Variants in CFAP43 observed in about 807,000 individuals in gnomAD.
CFAP43 encodes cilia and flagella associated protein 43, also known as cilia- and flagella-associated protein 43.
CFAP43 carries 155 observed loss-of-function variants against 218.9 expected under a neutral mutation model. That is an observed-to-expected ratio of 0.71 (90% confidence interval 0.62 to 0.81). CFAP43 has a LOEUF of 0.81. CFAP43 is among the 30% of genes least tolerant of loss of function. CFAP43 has a pLI of 0.00. For synonymous variants in CFAP43, 645 were observed against 681.3 expected, an observed-to-expected ratio of 0.95 and a Z score of 0.83; for missense variants, 1,778 against 1,954.3, an observed-to-expected ratio of 0.91 and a Z score of 1.70.
chr10:104,176,624 CT>C (rs2089639047), intron 19 of CFAP43, among the ~76,000 whole-genome samples: 3 of 152,184 alleles, frequency 2.0e-5, no homozygotes, highest in South Asian at 4.1e-4. Flanking sequence ...ATAATAAGGG[CT>C]ACCTTTAGAT....
Position 104,131,423 on chromosome 10 carries a change from T to A in CFAP43, c.4739A>T (p.Asn1580Ile). 1 of 1,613,688 alleles carries A rather than the reference T, an allele frequency of 6.2e-7. No homozygotes were observed. Among genetic ancestry groups the A allele is most frequent in the African/African-American group, 1.3e-5 (1 of 75,038 alleles). The change falls in exon 37 of 38, where the codon AAT becomes ATT. Residue 1580 changes from asparagine (N) to isoleucine (I), a missense_variant. By Grantham distance (149) the Asn-to-Ile change is moderately radical. Coordinates refer to ENST00000357060, the MANE Select transcript of CFAP43 (RefSeq NM_025145.7). ...GGCATAATTTGCTATATCTTTTTGA[T>A]TGCTGAACTTTCCAAGTTTTTTGAG... ...KLLKKLGKFS[N>I]QKDIANYALS...
At chr10:104,214,529 G>T in intron 3 of CFAP43, 103 bp from the exon 4 acceptor site, 1 of 993,322 alleles carries the variant, frequency 1.0e-6, no homozygotes, top group South Asian at 2.1e-5. Context: ...TATAATTTAT[G>T]ATACAATTTA....
At chr10:104,185,864 T>G (rs1239363619) in intron 15 of CFAP43, 110 bp downstream of exon 15, 1 of 871,084 alleles carries the variant, frequency 1.1e-6, no homozygotes. Context: ...TTCAATATCT[T>G]TTCAGAGTTT....
chr10:104,198,832 C>A (rs1398818259), intron 8 of CFAP43, among the ~76,000 whole-genome samples: 1 of 151,742 alleles, frequency 6.6e-6, no homozygotes, highest in African/African-American at 2.4e-5. Context: ...TGTATTTTTA[C>A]TAGAGATGGG....
intron 19 of CFAP43, among the ~76,000 whole-genome samples, chr10:104,177,437 T>C (rs1037067082): frequency 6.6e-6 from 1 of 152,252 alleles, no homozygotes; most frequent in Admixed American, 6.5e-5. Flanking sequence ...GGGAGGAAAC[T>C]GGGAGAATGA....
chr10:104,179,551 C>T (rs905306557), intron 18 of CFAP43, among the ~76,000 whole-genome samples: 42 of 152,328 alleles, frequency 2.8e-4, no homozygotes, highest in Admixed American at 8.5e-4. Flanking sequence ...ACTCACTCCA[C>T]GGTGGAGTAC....
chr10:104,166,611 G>A lies in CFAP43; in HGVS notation c.2916C>T (p.Ser972=), dbSNP rs200336733. The A allele has an allele frequency of 3.1e-6, 5 of 1,614,092 alleles. No individual in the cohort carries two copies. The African/African-American group carries it at 4.0e-5, about 13-fold the overall frequency. Residue 972 remains serine, a synonymous_variant, in exon 23 of 38, where the codon AGC becomes AGT. Transcript: ENST00000357060. ...TACCAAGCAGGTAATTGGGCAAATT[G>A]CTATATTTTACTGTCTTGTCTTCCT... ...EEEEDKTVKY[S]NLPNYLLGSL... is the part of the protein sequence containing the mutation.
chr10:104,201,170 T>A (rs2090524345), intron 8 of CFAP43, among the ~76,000 whole-genome samples: 1 of 152,222 alleles, frequency 6.6e-6, no homozygotes, highest in Non-Finnish European at 1.5e-5. Context: ...TTTTAAGTAT[T>A]CATATATTCC....
At chr10:104,150,035 T>C (rs1008289536) in intron 28 of CFAP43, among the ~76,000 whole-genome samples, 4 of 152,238 alleles carry the variant, frequency 2.6e-5, no homozygotes, top group Admixed American at 1.3e-4. Flanking sequence ...AAAAATGGAA[T>C]CATACAATAT....
At chr10:104,136,276 A>AAAG (rs529233077) in intron 34 of CFAP43, among the ~76,000 whole-genome samples, 16,202 of 133,824 alleles carry the variant, frequency 0.12, 2,074 homozygotes, top group African/African-American at 0.26. Context: ...AAAAAAAAAA[A>AAAG]AAGAAGAAAA....
chr10:104,153,102 A>C (rs2088357070), intron 27 of CFAP43, among the ~76,000 whole-genome samples: 1 of 152,172 alleles, frequency 6.6e-6, no homozygotes, highest in African/African-American at 2.4e-5. Context: ...TTTCTCAAGC[A>C]CTGGTCATTT....
chr10:104,140,436 G>A lies in CFAP43; in HGVS notation c.4431+406C>T, dbSNP rs577012119. Among the ~76,000 whole-genome samples the A allele has an allele frequency of 2.0e-5, 3 of 152,162 alleles. No individual in the cohort carries two copies. In the South Asian group the frequency reaches 6.2e-4, roughly 32 times the overall value. On this transcript the variant is annotated intron_variant, in intron 34 of 37. Transcript: ENST00000357060. Reference sequence around the variant, plus strand: ...CAGTTAGGAAACCACTGACTTAATTGAATTAAAATTACTTATGAAAATGGG... The same window carrying A: ...CAGTTAGGAAACCACTGACTTAATTAAATTAAAATTACTTATGAAAATGGG...
intron 31 of CFAP43, among the ~76,000 whole-genome samples, chr10:104,145,091 T>C (rs1289035548): frequency 6.6e-6 from 1 of 152,248 alleles, no homozygotes; most frequent in African/African-American, 2.4e-5. Context: ...CCTGGAAGCC[T>C]ATTACAAGTA....
At chr10:104,132,967 C>T (rs999817451) in intron 35 of CFAP43, 11 of 207,528 alleles carry the variant, frequency 5.3e-5, no homozygotes. Context: ...GGAATTTCTC[C>T]AGGCTTGGAA....
chr10:104,210,939 C>T (rs986256012), intron 5 of CFAP43, among the ~76,000 whole-genome samples: 8 of 151,826 alleles, frequency 5.3e-5, no homozygotes, highest in South Asian at 2.1e-4. Flanking sequence ...TACAGGCGTC[C>T]GCCACCATGC....
intron 5 of CFAP43, among the ~76,000 whole-genome samples, chr10:104,210,529 G>A (rs1236380545): frequency 1.3e-5 from 2 of 152,102 alleles, no homozygotes; most frequent in Non-Finnish European, 2.9e-5. Context: ...ATCATGCCCA[G>A]CTAATTTTTA....
rs777550419 is a variant in CFAP43 at position 104,186,059 on chromosome 10, C to T, written c.1925G>A (p.Gly642Glu). 6.2e-6 allele frequency: 10 copies of T among 1,604,576 alleles called. No individual in the cohort carries two copies. In the South Asian group the frequency reaches 1.0e-4, roughly 16 times the overall value. The change falls in exon 15 of 38, where the codon GGA (glycine) becomes GAA (glutamate). Residue 642 changes from glycine to glutamate, a missense_variant. By Grantham distance (98) the Gly-to-Glu change is moderately conservative. Around this residue, in one of 3 missense-constraint regions of CFAP43, gnomAD observed 1,553 missense variants for 1,685.2 expected, o/e 0.92. Transcript: ENST00000357060. ...TCCATGTGAAGACAGATAGAGCAGTCCAGGTCCATACTGTCTGCTTTGTAC... is the reference window on the plus strand; with the variant it reads ...TCCATGTGAAGACAGATAGAGCAGTTCAGGTCCATACTGTCTGCTTTGTAC... ...KKVQSRQYGP[G>E]LLYLSSHGLW...
intron 7 of CFAP43, 85 bp from the exon 8 acceptor site, chr10:104,203,888 G>A: frequency 8.2e-7 from 1 of 1,220,342 alleles, no homozygotes. Context: ...AAGGCTTATT[G>A]ATTACTTCTA....
chr10:104,218,521 C>T (rs1323825378), intron 3 of CFAP43, among the ~76,000 whole-genome samples: 3 of 151,940 alleles, frequency 2.0e-5, no homozygotes, highest in African/African-American at 7.3e-5. Flanking sequence ...TCTGATTTAA[C>T]TGGCCGAGGG....
Sources: gnomAD v4.1 joint callset for allele counts (sites outside exome capture counted in the v4.1 genomes callset) on GRCh38, gnomAD v4.1.1 for gene constraint, gnomAD v4.1.1 regional missense constraint, MANE v1.5 for transcripts, NCBI Gene and HGNC (gene_info 2026-07-23, HGNC 2026-07-21) for gene names.